The following NLGN1 variants were observed in gnomAD, a reference collection of about 807,000 sequenced individuals.
NLGN1 encodes neuroligin 1, also known as neuroligin-1.
Under a neutral mutation model 65.5 loss-of-function variants are expected in NLGN1, and 12 were observed. The ratio of observed to expected loss-of-function variants is 0.18; its 90% CI spans 0.12 to 0.30. The LOEUF (loss-of-function observed/expected upper bound fraction) is 0.30. Ranked by LOEUF, NLGN1 falls within the 10% of genes least tolerant of loss-of-function variation. NLGN1 has a pLI of 1.00. For synonymous variants in NLGN1, 350 were observed against 359.5 expected (o/e 0.97, Z 0.30); for missense variants, 750 against 1,007.1 (o/e 0.74, Z 3.46).
Position 174,002,343 on chromosome 3 carries a change from G to T in NLGN1, c.646+194511G>T, listed in dbSNP as rs550121142. On this transcript the variant is annotated intron_variant, in intron 4 of 6. Coordinates refer to ENST00000457714, the Ensembl canonical transcript of NLGN1. ...GGGTTTCACCATGTTGGCCAGGCTGGTCTCAAACTCCTGAACTCAAGTGAT... is the reference window on the plus strand; with the variant it reads ...GGGTTTCACCATGTTGGCCAGGCTGTTCTCAAACTCCTGAACTCAAGTGAT... Among the ~76,000 whole-genome samples, 4 of 152,264 alleles carry T rather than the reference G, an allele frequency of 2.6e-5. No individual in the cohort carries two copies. The East Asian group carries it at 7.7e-4, about 29-fold the overall frequency.
chr3:173,941,534 G>A (rs574731806), intron 4 of NLGN1, among the ~76,000 whole-genome samples: 2 of 152,078 alleles, frequency 1.3e-5, no homozygotes, highest in South Asian at 4.2e-4. Flanking sequence ...GACTGGATTT[G>A]ACTTTCACTT....
chr3:173,700,333 A>T (rs111631496), intron 3 of NLGN1, among the ~76,000 whole-genome samples: 1 of 152,354 alleles, frequency 6.6e-6, no homozygotes, highest in South Asian at 2.1e-4. Flanking sequence ...TTTTAATTAA[A>T]TCTTACAGAA....
chr3:173,591,969 T>A (rs1205851775), intron 2 of NLGN1, among the ~76,000 whole-genome samples: 4 of 152,220 alleles, frequency 2.6e-5, no homozygotes, highest in Non-Finnish European at 5.9e-5. Context: ...TCTTCTGAGC[T>A]CTTGAGTGAT....
At chr3:173,410,657 G>A (rs1712338045) in intron 1 of NLGN1, among the ~76,000 whole-genome samples, 1 of 152,206 alleles carries the variant, frequency 6.6e-6, no homozygotes, top group Admixed American at 6.5e-5. Flanking sequence ...AGGCTTGCTA[G>A]GGGTGAGTAT....
Position 173,812,504 on chromosome 3 carries a change from G to C in NLGN1, c.646+4672G>C, listed in dbSNP as rs539120594. Among the ~76,000 whole-genome samples, 349 of 152,010 alleles carry C rather than the reference G, an allele frequency of 2.3e-3. 3 individuals carry two copies. The highest frequency in any genetic ancestry group is 7.9e-3 in the African/African-American group (329 of 41,502). ...GCACTTTGGGAGGCTGAGGCAATAG[G>C]ATCACTTGAGCCCAGGAGTTCAAGA... On this transcript the variant is annotated intron_variant, in intron 4 of 6. Transcript: ENST00000457714.
At chr3:174,051,800 C>T (rs748778748) in intron 4 of NLGN1, among the ~76,000 whole-genome samples, 2 of 152,088 alleles carry the variant, frequency 1.3e-5, no homozygotes, top group East Asian at 3.9e-4. Context: ...TTACCCCATC[C>T]ACCCAGAAGA....
At chr3:173,804,657 CA>C (rs34786560) in intron 3 of NLGN1, among the ~76,000 whole-genome samples, 4,612 of 137,996 alleles carry the variant, frequency 0.033, 187 homozygotes, top group African/African-American at 0.092. Flanking sequence ...CTATTTACAT[CA>C]AAAAAAAAAA....
intron 4 of NLGN1, among the ~76,000 whole-genome samples, chr3:174,067,588 A>G (rs941594126): frequency 6.6e-6 from 1 of 152,156 alleles, no homozygotes; most frequent in African/African-American, 2.4e-5. Context: ...TTCTATGAAA[A>G]TACTTGTCCT....
chr3:173,838,218 T>TAAA (rs35482273), intron 4 of NLGN1, among the ~76,000 whole-genome samples: 2 of 147,974 alleles, frequency 1.4e-5, no homozygotes, highest in Non-Finnish European at 3.0e-5. Flanking sequence ...CAGGGAAAAT[T>TAAA]AAAAAAAAAA....
chr3:174,214,475 T>C (rs1243406756), intron 4 of NLGN1, among the ~76,000 whole-genome samples: 2 of 152,188 alleles, frequency 1.3e-5, no homozygotes, highest in Admixed American at 6.5e-5. Flanking sequence ...TATAGGCACA[T>C]ATTTTAGTGT....
chr3:174,042,209 A>C (rs11718546), intron 4 of NLGN1, among the ~76,000 whole-genome samples: 11,252 of 152,096 alleles, frequency 0.074, 682 homozygotes, highest in African/African-American at 0.16. Context: ...TCTTTTGATG[A>C]GAAGAAGTTT....
intron 4 of NLGN1, among the ~76,000 whole-genome samples, chr3:174,137,874 C>A (rs1232095614): frequency 6.6e-6 from 1 of 152,120 alleles, no homozygotes; most frequent in Non-Finnish European, 1.5e-5. Flanking sequence ...CAAAAACAGA[C>A]TTTATTTGCA....
chr3:173,538,460 T>TG (rs1228102329), intron 2 of NLGN1, among the ~76,000 whole-genome samples: 2 of 152,206 alleles, frequency 1.3e-5, no homozygotes, highest in Non-Finnish European at 2.9e-5. Flanking sequence ...TGTAAGTCAT[T>TG]GGATGATAGC....
Position 173,765,513 on chromosome 3 carries a change from A to G in NLGN1, c.494-42167A>G, listed in dbSNP as rs1047201348. On this transcript the variant is annotated intron_variant, in intron 3 of 6. Coordinates refer to ENST00000457714, the Ensembl canonical transcript of NLGN1. The stretch of plus-strand genomic sequence containing the variant: ...CTTGTCTTTCTGTTTTGAAATTTCA[A>G]TTTTTCCTCTTTTCTCAGTAACAGC... Among the ~76,000 whole-genome samples the G allele has an allele frequency of 6.6e-5, 10 of 152,210 alleles. 1 individual carries two copies. The South Asian group carries it at 1.0e-3, about 16-fold the overall frequency.
chr3:173,769,058 A>G (rs748108417), intron 3 of NLGN1, among the ~76,000 whole-genome samples: 7 of 152,068 alleles, frequency 4.6e-5, no homozygotes, highest in Non-Finnish European at 1.0e-4. Flanking sequence ...CCCAGCCTCA[A>G]ATTAACATTT....
In NLGN1 at chr3:173,690,218, T is replaced by C. The variant is rs1765271790; in HGVS notation, c.493+85127T>C. 2.0e-5 allele frequency among the ~76,000 whole-genome samples: 3 copies of C among 152,188 alleles called. No homozygotes were observed. In the South Asian group the frequency reaches 6.2e-4, roughly 31 times the overall value. On this transcript the variant is annotated intron_variant, in intron 3 of 6. Transcript: ENST00000457714. ...AGGTTAGAACGGCTTGTATTAAATA[T>C]TGTGCTAAAACATTTTTTAAAAGTC...
At chr3:173,471,571 C>T (rs1172410630) in intron 2 of NLGN1, among the ~76,000 whole-genome samples, 2 of 152,052 alleles carry the variant, frequency 1.3e-5, no homozygotes, top group South Asian at 2.1e-4. Flanking sequence ...TAAATAATTA[C>T]GTCTGTAATG....
intron 4 of NLGN1, among the ~76,000 whole-genome samples, chr3:173,819,189 C>A (rs1235361442): frequency 6.6e-6 from 1 of 151,822 alleles, no homozygotes; most frequent in Non-Finnish European, 1.5e-5. Flanking sequence ...TGTTAGTTTT[C>A]TTCTTTCTAT....
At chr3:173,480,620 A>G (rs1184484429) in intron 2 of NLGN1, among the ~76,000 whole-genome samples, 1 of 152,174 alleles carries the variant, frequency 6.6e-6, no homozygotes, top group Non-Finnish European at 1.5e-5. Context: ...ATTTAGTCTC[A>G]TTAAATTGGT....
Sources: allele counts gnomAD v4.1 joint callset (sites outside exome capture counted in the v4.1 genomes callset), GRCh38; gene constraint gnomAD v4.1.1; transcripts MANE v1.5; gene names NCBI Gene and HGNC (gene_info 2026-07-23, HGNC 2026-07-21).